PARP14: variants seen among roughly 807,000 people sequenced by gnomAD.
The protein encoded by PARP14 is protein mono-ADP-ribosyltransferase PARP14.
Under a neutral mutation model 154.2 loss-of-function variants are expected in PARP14, and 59 were observed. The ratio of observed to expected loss-of-function variants is 0.38; its 90% confidence interval spans 0.31 to 0.48. The LOEUF (loss-of-function observed/expected upper bound fraction) is 0.48. PARP14 is among the 20% of genes least tolerant of loss of function. PARP14 has a pLI of 0.98. For missense variants in PARP14, 1,734 were observed against 2,131.6 expected (o/e 0.81, Z 3.67); for synonymous variants, 720 against 780.5 (o/e 0.92, Z 1.29).
chr3:122,704,111 A>T (rs891825860), intron 7 of PARP14, 133 bp downstream of exon 7: 1 of 653,584 alleles, frequency 1.5e-6, no homozygotes, highest in African/African-American at 1.8e-5. Context: ...GGCAGATTCC[A>T]TCATGTGGCC....
intron 5 of PARP14, among the ~76,000 whole-genome samples, chr3:122,698,592 T>C (rs767555925): frequency 6.6e-6 from 1 of 152,210 alleles, no homozygotes; most frequent in East Asian, 1.9e-4. Context: ...AGCTGAATTA[T>C]CTGCAGTCTA....
chr3:122,687,253 T>A, intron 3 of PARP14, 140 bp downstream of exon 3: 3 of 641,424 alleles, frequency 4.7e-6, no homozygotes. Context: ...TTGGACTGCA[T>A]CATCTTCATA....
chr3:122,693,292 GAAGAGAGCTGTCACCACCCAAAAC>G (rs146742973), intron 4 of PARP14, among the ~76,000 whole-genome samples: 9,104 of 152,246 alleles, frequency 0.06, 318 homozygotes, highest in Middle Eastern at 0.088. Flanking sequence ...CTGAGATTGG[GAAGAGAGCTGTCACCACCCAAAAC>G]AAGTACATTT....
Position 122,700,232 on chromosome 3 carries a change from A to G in PARP14, c.1678A>G (p.Ile560Val), listed in dbSNP as rs991403938. 35 of 1,611,996 alleles carry G rather than the reference A, an allele frequency of 2.2e-5. No individual in the cohort carries two copies. Among genetic ancestry groups the G allele is most frequent in the Non-Finnish European group, 2.7e-5 (32 of 1,178,822 alleles). Reference sequence around the variant, plus strand: ...GAAAGAATTCTCTAAGTGTCTTTTCATAGCACAGAAGATTCTTGCACTTTA... The same window carrying G: ...GAAAGAATTCTCTAAGTGTCTTTTCGTAGCACAGAAGATTCTTGCACTTTA... Reference protein sequence around the residue: ...NWKEFSKCLFIAQKILALYEL... With the variant: ...NWKEFSKCLFVAQKILALYEL... The change falls in exon 6 of 17, where the codon ATA (isoleucine) becomes GTA (valine). Residue 560 changes from isoleucine (I) to valine (V), a missense_variant. This residue lies in a region of PARP14 where 1,646 missense variants were observed against 1,976.0 expected (regional missense o/e 0.83). Transcript: ENST00000474629.
intron 2 of PARP14, among the ~76,000 whole-genome samples, chr3:122,685,747 AT>A (rs1241168404): frequency 1.3e-5 from 2 of 152,002 alleles, no homozygotes. Context: ...TGACCTCATG[AT>A]CGGCCCACCT....
chr3:122,716,837 G>A (rs755044445), intron 12 of PARP14, among the ~76,000 whole-genome samples: 1 of 152,098 alleles, frequency 6.6e-6, no homozygotes, highest in Non-Finnish European at 1.5e-5. Context: ...CCATTACATA[G>A]TTCCATCTGG....
At chr3:122,711,830 G>C (rs1939326752) in intron 9 of PARP14, among the ~76,000 whole-genome samples, 1 of 152,070 alleles carries the variant, frequency 6.6e-6, no homozygotes, top group Non-Finnish European at 1.5e-5. Context: ...ATGTTTCCAG[G>C]AATTTATCCA....
chr3:122,725,360 C>T (rs534909615), intron 15 of PARP14, among the ~76,000 whole-genome samples: 56 of 150,470 alleles, frequency 3.7e-4, no homozygotes, highest in Non-Finnish European at 5.5e-4. Flanking sequence ...AGGTGCTCCC[C>T]ACCTCCCAGA....
At chr3:122,683,082 GAAAC>G (rs148716487) in intron 1 of PARP14, among the ~76,000 whole-genome samples, 1,935 of 152,022 alleles carry the variant, frequency 0.013, 40 homozygotes, top group African/African-American at 0.045. Context: ...CAAACAAAAA[GAAAC>G]AAACAAACAA....
At position 122,718,784 on chromosome 3, in the gene PARP14, TC is replaced by T; in HGVS notation, c.4634del (p.Ser1545PhefsTer7). 6.2e-7 allele frequency: 1 copy of T among 1,613,786 alleles called. No homozygotes were observed. Among genetic ancestry groups the T allele is most frequent in the Non-Finnish European group, 8.5e-7 (1 of 1,179,750 alleles). On this transcript the variant is annotated frameshift_variant, in exon 14 of 17. Transcript: ENST00000474629. LOFTEE classifies it high-confidence loss of function. ...IEWQYNDNNT[S>X]HCFNKMTNLK... The stretch of plus-strand genomic sequence containing the variant: ...ATGGCAGTATAATGACAATAACACT[TC>T]TCATTGTTTTAACAAAATGACCAAT...
At chr3:122,699,092 AC>A (rs1332373683) in intron 5 of PARP14, among the ~76,000 whole-genome samples, 1 of 152,230 alleles carries the variant, frequency 6.6e-6, no homozygotes, top group Non-Finnish European at 1.5e-5. Context: ...AATAAGGGAT[AC>A]CTGTGCACTG....
Position 122,700,536 on chromosome 3 carries a change from T to C in PARP14, c.1982T>C (p.Leu661Pro), listed in dbSNP as rs1277703669. 3 of 1,599,492 alleles carry C rather than the reference T, an allele frequency of 1.9e-6. No individual in the cohort carries two copies. The highest frequency in any genetic ancestry group is 2.2e-5 in the South Asian group (2 of 88,970). ...VKEVNETYKL[L>P]FNFVEQNMKI... ...GAAGTAAATGAAACCTATAAATTGC[T>C]TTTTAACTTCGTTGAACAAAACATG... is the stretch of plus-strand genomic sequence containing the variant. Residue 661 changes from leucine (L) to proline (P), a missense_variant, in exon 6 of 17, where the codon CTT becomes CCT. Around this residue, in one of 2 missense-constraint regions of PARP14, gnomAD observed 1,646 missense variants for 1,976.0 expected, o/e 0.83. Coordinates refer to ENST00000474629, the MANE Select transcript of PARP14 (RefSeq NM_017554.3).
intron 3 of PARP14, among the ~76,000 whole-genome samples, chr3:122,687,356 G>A (rs1303562616): frequency 6.6e-6 from 1 of 152,244 alleles, no homozygotes; most frequent in Non-Finnish European, 1.5e-5. Context: ...CCTTGCAATA[G>A]AGGGGAGGGC....
intron 9 of PARP14, among the ~76,000 whole-genome samples, chr3:122,710,362 G>A (rs1939285213): frequency 2.0e-5 from 3 of 152,098 alleles, no homozygotes; most frequent in African/African-American, 7.2e-5. Flanking sequence ...AGATCAATTG[G>A]TTTTAAGTAT....
At position 122,728,609 on chromosome 3, in the gene PARP14, C is replaced by G. The variant is rs1169234899; in HGVS notation, c.*12C>G. Reference sequence around the variant, plus strand: ...CGTTTAGAAAATAACACTTTGGTATCCTTCCCACAAAATTATTCTCCATTT... The same window carrying G: ...CGTTTAGAAAATAACACTTTGGTATGCTTCCCACAAAATTATTCTCCATTT... On this transcript the variant is annotated 3_prime_UTR_variant, in exon 17 of 17. Transcript: ENST00000474629. 1.3e-6 allele frequency: 2 copies of G among 1,593,506 alleles called. No homozygotes were observed. The highest frequency in any genetic ancestry group is 2.7e-5 in the African/African-American group (2 of 74,314).
chr3:122,694,356 C>T (rs1938695226), intron 4 of PARP14, among the ~76,000 whole-genome samples: 1 of 152,152 alleles, frequency 6.6e-6, no homozygotes, highest in South Asian at 2.1e-4. Context: ...CTCTGGGAAC[C>T]ATTGTCTGAT....
chr3:122,705,874 A>T (rs1001999321), intron 8 of PARP14, among the ~76,000 whole-genome samples: 1 of 152,228 alleles, frequency 6.6e-6, no homozygotes, highest in Non-Finnish European at 1.5e-5. Context: ...CTTGTCCCGT[A>T]TAATTAGTTA....
intron 8 of PARP14, among the ~76,000 whole-genome samples, chr3:122,706,626 C>T (rs1436322436): frequency 1.3e-5 from 2 of 152,134 alleles, no homozygotes; most frequent in East Asian, 1.9e-4. Flanking sequence ...CACCTTTACA[C>T]ATGTGCCTTA....
rs530892140 is a variant in PARP14, at chr3:122,701,901, C to A, written c.3081+266C>A. On this transcript the variant is annotated intron_variant, in intron 6 of 16. Transcript: ENST00000474629. This position sits in a 1 kb window ranked among gnomAD's most constrained non-coding sequence, Gnocchi z 4.0. ...TAGATTTCCAGTAGATGTAAAACTC[C>A]ATAATATCACACGTTTAGACAGTTC... 6.6e-6 allele frequency among the ~76,000 whole-genome samples: 1 copy of A among 152,126 alleles called. No homozygotes were observed. Among genetic ancestry groups the A allele is most frequent in the African/African-American group, 2.4e-5 (1 of 41,418 alleles).
Sources: gnomAD v4.1 joint callset for allele counts (sites outside exome capture counted in the v4.1 genomes callset) on GRCh38, gnomAD v4.1.1 for gene constraint, gnomAD v4.1.1 regional missense constraint, Gnocchi (gnomAD v3.1) non-coding constraint, MANE v1.5 for transcripts, NCBI Gene and HGNC (gene_info 2026-07-23, HGNC 2026-07-21) for gene names.